Variants in PPP1R12B observed in about 807,000 individuals in gnomAD.
The protein encoded by PPP1R12B is myosin phosphatase target subunit 2.
PPP1R12B carries 76 observed loss-of-function variants against 126.1 expected under a neutral mutation model. The observed-to-expected ratio is 0.60, with a 90% CI of 0.50 to 0.73. PPP1R12B has a LOEUF of 0.73. Among genes scored for constraint, PPP1R12B ranks in the 30% least tolerant of loss-of-function variants. The pLI, the probability that PPP1R12B is intolerant of heterozygous loss-of-function variation, is 0.00. For synonymous variants in PPP1R12B, 356 were observed against 434.7 expected (o/e 0.82, Z 2.25); for missense variants, 1,052 against 1,205.1 (o/e 0.87, Z 1.88).
intron 13 of PPP1R12B, among the ~76,000 whole-genome samples, chr1:202,453,279 C>T (rs574307261): frequency 4.5e-4 from 68 of 152,230 alleles, no homozygotes; most frequent in Non-Finnish European, 7.1e-4. Flanking sequence ...TGATATATCA[C>T]ATTGATTGAC....
chr1:202,468,892 C>T (rs1370195512), intron 13 of PPP1R12B, among the ~76,000 whole-genome samples: 1 of 151,978 alleles, frequency 6.6e-6, no homozygotes, highest in East Asian at 1.9e-4. Flanking sequence ...TTGCAGTGAC[C>T]ACTGCACTCC....
At chr1:202,562,061 T>C (rs1687587243) in intron 19 of PPP1R12B, among the ~76,000 whole-genome samples, 1 of 152,252 alleles carries the variant, frequency 6.6e-6, no homozygotes, top group Non-Finnish European at 1.5e-5. Context: ...TTTAGGGTGA[T>C]AGTTGTACAC....
chr1:202,579,424 C>T (rs1399309672), intron 23 of PPP1R12B, among the ~76,000 whole-genome samples: 3 of 152,230 alleles, frequency 2.0e-5, no homozygotes, highest in Non-Finnish European at 2.9e-5. Context: ...ATGTAGCTTT[C>T]TGTAGCCTGC....
At chr1:202,450,965 C>G (rs1007448097) in intron 13 of PPP1R12B, among the ~76,000 whole-genome samples, 4 of 152,080 alleles carry the variant, frequency 2.6e-5, no homozygotes, top group African/African-American at 9.7e-5. Context: ...GACGTTTTAA[C>G]AATATTGATT....
chr1:202,495,535 T>A, intron 16 of PPP1R12B, 35 bp from the exon 17 acceptor site: 2 of 1,611,818 alleles, frequency 1.2e-6, no homozygotes, highest in South Asian at 1.1e-5. Flanking sequence ...ATCCCCAGAT[T>A]CTTAAAGTTC....
intron 18 of PPP1R12B, among the ~76,000 whole-genome samples, chr1:202,507,820 A>G (rs1228174031): frequency 6.6e-6 from 1 of 152,234 alleles, no homozygotes; most frequent in East Asian, 1.9e-4. Context: ...CCTCGGTTAC[A>G]GAAGTATTCA....
chr1:202,358,717 G>A (rs552349435), intron 1 of PPP1R12B, among the ~76,000 whole-genome samples: 1 of 151,652 alleles, frequency 6.6e-6, no homozygotes, highest in South Asian at 2.1e-4. Context: ...TGAGTTTTCA[G>A]TATTGGAAAT....
At chr1:202,417,290 A>T (rs897754668) in intron 2 of PPP1R12B, 43 of 985,260 alleles carry the variant, frequency 4.4e-5, no homozygotes, top group Middle Eastern at 5.2e-4. Context: ...CTGTTTTTTT[A>T]AAAAAATCAG....
chr1:202,493,715 A>G (rs1679184928), intron 15 of PPP1R12B, among the ~76,000 whole-genome samples: 1 of 152,216 alleles, frequency 6.6e-6, no homozygotes, highest in African/African-American at 2.4e-5. Flanking sequence ...TGAGGTAAAT[A>G]TTACTATTTC....
At chr1:202,417,258 G>T in intron 2 of PPP1R12B, 2 of 985,332 alleles carry the variant, frequency 2.0e-6, no homozygotes, top group Non-Finnish European at 2.4e-6. Flanking sequence ...TGTTTTTCTG[G>T]ATTCTTTGTA....
intron 18 of PPP1R12B, among the ~76,000 whole-genome samples, chr1:202,504,029 C>G (rs1266859889): frequency 2.0e-5 from 3 of 152,146 alleles, no homozygotes; most frequent in African/African-American, 4.8e-5. Flanking sequence ...TAACTTACCT[C>G]TTGGTCTCCT....
In PPP1R12B at chr1:202,588,871, A is replaced by ATAGATAGATAGATATC. The variant is rs1690000702; in HGVS notation, c.*8313_*8314insGATAGATAGATATCTA. ...GATAGATAGATAGATAGATAGATAGATATCAAGGTTCCAAGCTTCAAGTAA... is the reference window on the plus strand; with the variant it reads ...GATAGATAGATAGATAGATAGATAGATAGATAGATAGATATCTATCAAGGTTCCAAGCTTCAAGTAA... On this transcript the variant is annotated 3_prime_UTR_variant, in exon 24 of 24. Coordinates refer to ENST00000608999, the MANE Select transcript of PPP1R12B (RefSeq NM_002481.4). The ATAGATAGATAGATATC allele has an allele frequency of 1.4e-5, 2 of 141,270 alleles. No individual in the cohort carries two copies. The highest frequency in any genetic ancestry group is 6.1e-5 in the African/African-American group (2 of 32,802). The allele number at this position is 141,270 out of a possible 1,614,324, so 8.8% of individuals were successfully genotyped here.
At chr1:202,478,332 G>C (rs1209917147) in intron 13 of PPP1R12B, among the ~76,000 whole-genome samples, 1 of 152,198 alleles carries the variant, frequency 6.6e-6, no homozygotes, top group Non-Finnish European at 1.5e-5. Context: ...CTAGATTTTA[G>C]AAAGTGTTAC....
At chr1:202,425,799 A>G (rs1167277785) in intron 4 of PPP1R12B, 74 bp downstream of exon 4, 1 of 1,420,958 alleles carries the variant, frequency 7.0e-7, no homozygotes, top group African/African-American at 1.4e-5. Flanking sequence ...CAGAGGCTGA[A>G]TTAGATTTTC....
chr1:202,381,440 C>G (rs997096001), intron 1 of PPP1R12B, among the ~76,000 whole-genome samples: 31 of 2,882 alleles, frequency 0.011, no homozygotes, highest in Admixed American at 0.025. Context: ...GTGTGTGTAT[C>G]ATCCCTCAAC....
intron 18 of PPP1R12B, among the ~76,000 whole-genome samples, chr1:202,552,731 T>G (rs1686448234): frequency 6.6e-6 from 1 of 152,166 alleles, no homozygotes; most frequent in South Asian, 2.1e-4. Flanking sequence ...AATAGAAGTT[T>G]TTTCCCATCA....
At chr1:202,483,899 A>G (rs1572225177) in intron 13 of PPP1R12B, among the ~76,000 whole-genome samples, 1 of 151,880 alleles carries the variant, frequency 6.6e-6, no homozygotes, top group Non-Finnish European at 1.5e-5. Context: ...ACAGTTTTTG[A>G]CTTAAAGTCT....
chr1:202,519,818 A>G (rs1029020230), intron 18 of PPP1R12B, among the ~76,000 whole-genome samples: 1 of 152,096 alleles, frequency 6.6e-6, no homozygotes, highest in African/African-American at 2.4e-5. Flanking sequence ...CTTCTCAGCT[A>G]TTAGAAACAG....
chr1:202,588,841 A>AGATAGATAGATAGAT lies in PPP1R12B; in HGVS notation c.*8282_*8296dup, dbSNP rs1553332117. Reference sequence around the variant, plus strand: ...AGAACCGTAAGATAGATAGATAGATAGATAGATAGATAGATAGATAGATAG... The same window carrying AGATAGATAGATAGAT: ...AGAACCGTAAGATAGATAGATAGATAGATAGATAGATAGATGATAGATAGATAGATAGATAGATAG... On this transcript the variant is annotated 3_prime_UTR_variant, in exon 24 of 24. Transcript: ENST00000608999. 10 of 143,728 alleles carry AGATAGATAGATAGAT rather than the reference A, an allele frequency of 7.0e-5. No individual in the cohort carries two copies. The highest frequency in any genetic ancestry group is 6.4e-4 in the South Asian group (3 of 4,684). 8.9% of individuals were successfully genotyped at this position (143,728 alleles called of 1,614,324 possible).
Sources: allele counts gnomAD v4.1 joint callset (sites outside exome capture counted in the v4.1 genomes callset), GRCh38; gene constraint gnomAD v4.1.1; transcripts MANE v1.5; gene names NCBI Gene and HGNC (gene_info 2026-07-23, HGNC 2026-07-21).